The following IKBKE variants were observed in gnomAD, a reference collection of about 807,000 sequenced individuals.
IKBKE encodes the protein inhibitor of nuclear factor kappa-B kinase subunit epsilon.
Under a neutral mutation model 92.1 loss-of-function variants are expected in IKBKE, and 45 were observed. The ratio of observed to expected loss-of-function variants is 0.49; its 90% CI spans 0.38 to 0.63. The LOEUF (loss-of-function observed/expected upper bound fraction) is 0.63. IKBKE is among the 20% of genes least tolerant of loss of function. The probability of loss-of-function intolerance (pLI) is 0.00; values close to 1 mark genes in which losing one functional copy is unlikely to be tolerated. For synonymous variants in IKBKE, 374 were observed against 380.3 expected, an observed-to-expected ratio of 0.98 and a Z score of 0.19; for missense variants, 700 against 932.8, an observed-to-expected ratio of 0.75 and a Z score of 3.25.
At chr1:206,479,619 C>G (rs868939806) in intron 10 of IKBKE, among the ~76,000 whole-genome samples, 1 of 152,136 alleles carries the variant, frequency 6.6e-6, no homozygotes, top group Non-Finnish European at 1.5e-5. Context: ...AACCTGTGGA[C>G]AAGAGGGTGA....
chr1:206,478,074 A>T lies in IKBKE; in HGVS notation c.813-86A>T. On this transcript the variant is annotated intron_variant, in intron 8 of 21. Transcript: ENST00000581977. The surrounding 1 kb of genome is among the most constrained non-coding windows in gnomAD (Gnocchi z 4.8). ...CATCTTGGTCCTAGCTCTTCAGGAT[A>T]TTCTCTTAGAACGCTCCTATTGCCT... 8.8e-7 allele frequency: 1 copy of T among 1,136,904 alleles called. No individual in the cohort carries two copies. The highest frequency in any genetic ancestry group is 1.3e-6 in the Non-Finnish European group (1 of 784,706). 70.4% of individuals were successfully genotyped at this position (1,136,904 alleles called of 1,614,324 possible). A position where few individuals can be genotyped will look rare whatever the true frequency, so the allele number is the denominator to read the frequency against.
chr1:206,495,344 T>C (rs1553391862), intron 21 of IKBKE, among the ~76,000 whole-genome samples: 1 of 152,168 alleles, frequency 6.6e-6, no homozygotes, highest in Non-Finnish European at 1.5e-5. Flanking sequence ...CCTCATGGTG[T>C]TGACATAGGG....
At chr1:206,493,893 C>T (rs1179105823) in intron 20 of IKBKE, 27 bp from the exon 21 acceptor site, 30 of 1,608,802 alleles carry the variant, frequency 1.9e-5, no homozygotes, top group East Asian at 4.5e-5. Context: ...CAGCCTCAGC[C>T]GCCTCTCCTG....
intron 13 of IKBKE, among the ~76,000 whole-genome samples, chr1:206,484,230 A>G (rs1202885323): frequency 6.6e-5 from 10 of 152,152 alleles, no homozygotes; most frequent in Admixed American, 3.9e-4. Flanking sequence ...GTATCAAGCA[A>G]TCCTCCCACT....
At chr1:206,475,073 T>C in intron 5 of IKBKE, 79 bp downstream of exon 5, 1 of 1,435,768 alleles carries the variant, frequency 7.0e-7, no homozygotes, top group South Asian at 1.2e-5. Context: ...CTCAGGTGTC[T>C]GACTCCTGCT....
Position 206,478,861 on chromosome 1 carries a change from A to T in IKBKE, c.993-82A>T. On this transcript the variant is annotated intron_variant, in intron 9 of 21. Transcript: ENST00000581977. The surrounding 1 kb of genome is among the most constrained non-coding windows in gnomAD (Gnocchi z 4.8). ...AGAGCCCTGTCTATGGGCAACGCTT[A>T]GCTGGGGCTTAGGTCACCCTAGCCC... The T allele has an allele frequency of 1.9e-6, 2 of 1,074,838 alleles. No individual in the cohort carries two copies. The highest frequency in any genetic ancestry group is 1.7e-5 in the Admixed American group (1 of 59,048). The allele number at this position is 1,074,838 out of a possible 1,614,324, so 66.6% of individuals were successfully genotyped here. A position where few individuals can be genotyped will look rare whatever the true frequency, so the allele number is the denominator to read the frequency against.
chr1:206,474,297 A>G, intron 3 of IKBKE, 34 bp from the exon 4 acceptor site: 1 of 1,595,196 alleles, frequency 6.3e-7, no homozygotes, highest in Non-Finnish European at 8.6e-7. Flanking sequence ...TGCTAATCCC[A>G]TGCTGTCTCC....
At chr1:206,483,437 A>G (rs1665501848) in intron 13 of IKBKE, among the ~76,000 whole-genome samples, 1 of 152,194 alleles carries the variant, frequency 6.6e-6, no homozygotes, top group South Asian at 2.1e-4. Flanking sequence ...CCGTGCACTG[A>G]CGGACTACCA....
chr1:206,488,618 G>A (rs1252732623), intron 16 of IKBKE, among the ~76,000 whole-genome samples: 3 of 152,178 alleles, frequency 2.0e-5, no homozygotes, highest in African/African-American at 7.2e-5. Flanking sequence ...GGGAGCCTGC[G>A]GAGGCTCCAG....
intron 15 of IKBKE, among the ~76,000 whole-genome samples, chr1:206,486,374 G>C (rs1333891257): frequency 6.6e-6 from 1 of 152,020 alleles, no homozygotes; most frequent in Non-Finnish European, 1.5e-5. Context: ...TTGGATGAAG[G>C]CTGCAGATCT....
At chr1:206,475,124 A>G (rs1416861743) in intron 5 of IKBKE, 130 bp downstream of exon 5, 2 of 1,000,682 alleles carry the variant, frequency 2.0e-6, no homozygotes, top group Non-Finnish European at 1.4e-6. Flanking sequence ...ATTAAACCTA[A>G]AAAAGATTGT....
chr1:206,490,988 T>A lies in IKBKE; in HGVS notation c.1733+130T>A. The A allele has an allele frequency of 1.2e-6, 1 of 841,414 alleles. No individual in the cohort carries two copies. Among genetic ancestry groups the A allele is most frequent in the Admixed American group, 1.9e-5 (1 of 52,880 alleles). The allele number at this position is 841,414 out of a possible 1,614,324, so 52.1% of individuals were successfully genotyped here. A position where few individuals can be genotyped will look rare whatever the true frequency, so the allele number is the denominator to read the frequency against. On this transcript the variant is annotated intron_variant, in intron 17 of 21. Transcript: ENST00000581977. This position sits in a 1 kb window ranked among gnomAD's most constrained non-coding sequence, Gnocchi z 5.2. ...GACTGCAGCTGAGCAGAGTTGGGGA[T>A]AACAGGTTATCTGGGGCCAGGGGAG...
At chr1:206,480,904 C>T (rs1239050389) in intron 13 of IKBKE, among the ~76,000 whole-genome samples, 2 of 152,206 alleles carry the variant, frequency 1.3e-5, no homozygotes, top group Non-Finnish European at 2.9e-5. Context: ...CACACACCCA[C>T]GCACAGTTCC....
Position 206,473,284 on chromosome 1 carries a change from C to T in IKBKE, c.57C>T (p.Ala19=). 2 of 1,612,894 alleles carry T rather than the reference C, an allele frequency of 1.2e-6. No homozygotes were observed. Among genetic ancestry groups the T allele is most frequent in the East Asian group, 4.5e-5 (2 of 44,832 alleles). Residue 19 remains alanine, a synonymous_variant, in exon 3 of 22, where the codon GCC becomes GCT. Coordinates refer to ENST00000581977, the MANE Select transcript of IKBKE (RefSeq NM_014002.4). ...CAGATGACCTGCTGGGGCAGGGGGC[C>T]ACTGCCAGTGTGTACAAGGCCCGCA... ...WHTDDLLGQG[A]TASVYKARNK...
chr1:206,487,369 G>A lies in IKBKE; in HGVS notation c.1617-545G>A, dbSNP rs180773414. 2.6e-5 allele frequency among the ~76,000 whole-genome samples: 4 copies of A among 152,350 alleles called. No individual in the cohort carries two copies. The highest frequency in any genetic ancestry group is 1.3e-4 in the Admixed American group (2 of 15,304). ...AGTTCCTCCGCCTCCGGGCAGGACC[G>A]AGGCCTGTTGATTCATTCTTGTTTT... On this transcript the variant is annotated intron_variant, in intron 15 of 21. Transcript: ENST00000581977. This position sits in a 1 kb window ranked among gnomAD's most constrained non-coding sequence, Gnocchi z 5.3.
At chr1:206,473,131 A>G (rs1664867022) in intron 2 of IKBKE, 65 bp from the exon 3 acceptor site, 1 of 916,450 alleles carries the variant, frequency 1.1e-6, no homozygotes, top group Non-Finnish European at 1.8e-6. Context: ...GTTACAGGTC[A>G]GGCCACCAGC....
At position 206,475,871 on chromosome 1, in the gene IKBKE, C is replaced by T. The variant is rs566188718; in HGVS notation, c.359-310C>T. ...GGTTAAAATGGGAAATTTCGTTATG[C>T]ATATTTTACCACAATTGAACACCTA... On this transcript the variant is annotated intron_variant, in intron 5 of 21. Coordinates refer to ENST00000581977, the MANE Select transcript of IKBKE (RefSeq NM_014002.4). Among the ~76,000 whole-genome samples, 3 of 152,106 alleles carry T rather than the reference C, an allele frequency of 2.0e-5. No individual in the cohort carries two copies. The South Asian group carries it at 6.2e-4, about 32-fold the overall frequency.
intron 18 of IKBKE, chr1:206,492,321 C>T (rs1344124580): frequency 5.0e-6 from 2 of 403,708 alleles, no homozygotes; most frequent in Admixed American, 2.9e-5. Flanking sequence ...CCTGTGTGAA[C>T]ACTGGCCCCT....
intron 16 of IKBKE, among the ~76,000 whole-genome samples, chr1:206,489,394 T>C (rs1277638628): frequency 1.2e-4 from 16 of 135,936 alleles, no homozygotes; most frequent in Admixed American, 8.0e-4. Flanking sequence ...TATATATATA[T>C]ATATATACAC....
Sources: allele counts gnomAD v4.1 joint callset (sites outside exome capture counted in the v4.1 genomes callset), GRCh38; gene constraint gnomAD v4.1.1; non-coding constraint Gnocchi (gnomAD v3.1); transcripts MANE v1.5; gene names NCBI Gene and HGNC (gene_info 2026-07-23, HGNC 2026-07-21).